Variants in RBM12B observed in about 807,000 individuals in gnomAD.
RBM12B encodes the protein RNA binding motif protein 12B.
RBM12B carries 10 observed loss-of-function variants against 34.3 expected under a neutral mutation model. The ratio of observed to expected loss-of-function variants is 0.29; its 90% confidence interval spans 0.18 to 0.49. The LOEUF is 0.49. Among genes scored for constraint, RBM12B ranks in the 20% least tolerant of loss-of-function variants. The pLI is 0.99. For synonymous variants in RBM12B, 477 were observed against 437.1 expected (o/e 1.09, Z -1.14); for missense variants, 1,139 against 1,262.7 (o/e 0.90, Z 1.48).
Position 93,733,827 on chromosome 8 carries a change from G to A in RBM12B, c.2584C>T (p.Pro862Ser). 2 of 1,614,116 alleles carry A rather than the reference G, an allele frequency of 1.2e-6. No homozygotes were observed. Among genetic ancestry groups the A allele is most frequent in the Non-Finnish European group, 1.7e-6 (2 of 1,180,032 alleles). ...TCACCAGGAGGTCTAAAATTGTCAG[G>A]AAGTCTAGGGTCCTCCTCCGGAGCT... is the stretch of plus-strand genomic sequence containing the variant. ...REAPEEDPRLPDNFRPPGEDF... is the reference protein window; with the variant it reads ...REAPEEDPRLSDNFRPPGEDF... Residue 862 changes from proline (P) to serine (S), a missense_variant, in exon 4 of 4, where the codon CCT (proline) becomes TCT (serine). Pro to Ser is a moderately conservative substitution (Grantham distance 74, BLOSUM62 -1). This residue lies in a region of RBM12B where 863 missense variants were observed against 869.5 expected (regional missense o/e 0.99). Transcript: ENST00000520560.
chr8:93,739,358 T>C (rs1206746601), intron 2 of RBM12B, among the ~76,000 whole-genome samples: 1 of 152,210 alleles, frequency 6.6e-6, no homozygotes, highest in Admixed American at 6.5e-5. Flanking sequence ...TTTAACCAAG[T>C]AGTTTCATGA....
chr8:93,733,302 TATTTC>T lies in RBM12B; in HGVS notation c.*98_*102del, dbSNP rs1462037637. 9 of 886,536 alleles carry T rather than the reference TATTTC, an allele frequency of 1.0e-5. No individual in the cohort carries two copies. Among genetic ancestry groups the T allele is most frequent in the Admixed American group, 3.5e-5 (1 of 28,890 alleles). 54.9% of individuals were successfully genotyped at this position (886,536 alleles called of 1,614,324 possible). A position where few individuals can be genotyped will look rare whatever the true frequency, so the allele number is the denominator to read the frequency against. ...TTCTATTCACAGGTCAAAAATAAAA[TATTTC>T]ATTAGATAATTTAAAAAAAAAACAC... On this transcript the variant is annotated 3_prime_UTR_variant, in exon 4 of 4. Coordinates refer to ENST00000520560, the MANE Select transcript of RBM12B (RefSeq NM_001377960.1).
chr8:93,740,712 G>T lies in RBM12B; in HGVS notation c.-145-16C>A. 1 of 358,724 alleles carries T rather than the reference G, an allele frequency of 2.8e-6. No individual in the cohort carries two copies. Among genetic ancestry groups the T allele is most frequent in the South Asian group, 2.1e-5 (1 of 47,078 alleles). 22.2% of individuals were successfully genotyped at this position (358,724 alleles called of 1,614,324 possible). A position where few individuals can be genotyped will look rare whatever the true frequency, so the allele number is the denominator to read the frequency against. ...CACATGGAAGCTGACGGGAAAGGAA[G>T]AGTCGGTGTTTTAGCAAGAAAAGAG... is the stretch of plus-strand genomic sequence containing the variant. On this transcript the variant is annotated splice_polypyrimidine_tract_variant and intron_variant, in intron 1 of 3. Coordinates refer to ENST00000520560, the MANE Select transcript of RBM12B (RefSeq NM_001377960.1).
At chr8:93,740,065 A>G in intron 2 of RBM12B, 1 of 331,052 alleles carries the variant, frequency 3.0e-6, no homozygotes, top group South Asian at 2.4e-5. Flanking sequence ...CGTAAAGCCC[A>G]AGGTCATGAT....
Position 93,734,665 on chromosome 8 carries a change from A to T in RBM12B, c.1746T>A (p.Pro582=). 4 of 1,612,506 alleles carry T rather than the reference A, an allele frequency of 2.5e-6. No homozygotes were observed. The highest frequency in any genetic ancestry group is 3.4e-6 in the Non-Finnish European group (4 of 1,179,414). ...FRHSPEDFRR[P]REEDFRRPSE... is the part of the protein sequence containing the mutation. ...AAGGCCGCCTGAAGTCTTCCTCCCT[A>T]GGTCGCCTGAAGTCCTCTGGGGAGT... The change falls in exon 4 of 4, where the codon CCT becomes CCA. Residue 582 remains proline, a synonymous_variant. Coordinates refer to ENST00000520560, the MANE Select transcript of RBM12B (RefSeq NM_001377960.1).
chr8:93,736,649 T>C (rs1018678139), intron 3 of RBM12B, among the ~76,000 whole-genome samples: 1 of 152,186 alleles, frequency 6.6e-6, no homozygotes, highest in East Asian at 1.9e-4. Context: ...ACCAACTACC[T>C]TGAAGAAACA....
At chr8:93,738,388 C>T (rs1299657352) in intron 2 of RBM12B, among the ~76,000 whole-genome samples, 2 of 152,172 alleles carry the variant, frequency 1.3e-5, no homozygotes, top group African/African-American at 4.8e-5. Flanking sequence ...AAGAAGTTTG[C>T]GTTTAATACT....
intron 2 of RBM12B, among the ~76,000 whole-genome samples, chr8:93,739,772 G>A (rs1812136008): frequency 6.6e-6 from 1 of 152,188 alleles, no homozygotes; most frequent in African/African-American, 2.4e-5. Flanking sequence ...AAAGAAGAGT[G>A]GGTCCCTAAA....
At position 93,732,407 on chromosome 8, in the gene RBM12B, G is replaced by A. The variant is rs887260703; in HGVS notation, c.*998C>T. 1 of 152,172 alleles carries A rather than the reference G, an allele frequency of 6.6e-6. No individual in the cohort carries two copies. Among genetic ancestry groups the A allele is most frequent in the Non-Finnish European group, 1.5e-5 (1 of 68,030 alleles). The allele number at this position is 152,172 out of a possible 1,614,324, so 9.4% of individuals were successfully genotyped here. On this transcript the variant is annotated 3_prime_UTR_variant, in exon 4 of 4. Transcript: ENST00000520560. ...CCACACAAGTCTTAACAGTTATAGA[G>A]TCTTTGCATGGACACAGTTTCGAAG...
At position 93,728,243 on chromosome 8, in the gene RBM12B, A is replaced by T. The variant is rs753920530; in HGVS notation, c.*5162T>A. On this transcript the variant is annotated 3_prime_UTR_variant, in exon 4 of 4. Transcript: ENST00000520560. ...GACTAAGAAAGGATCAACAAGCAGA[A>T]GATGATGAGGATGACGAGTTAGATG... The T allele has an allele frequency of 5.6e-5, 89 of 1,599,922 alleles. No homozygotes were observed. Among genetic ancestry groups the T allele is most frequent in the African/African-American group, 1.2e-4 (9 of 73,930 alleles).
rs1020829892 is a variant in RBM12B, at chr8:93,731,472, TATACTTTAAAGAATCATA to T, written c.*1915_*1932del. On this transcript the variant is annotated 3_prime_UTR_variant, in exon 4 of 4. Coordinates refer to ENST00000520560, the MANE Select transcript of RBM12B (RefSeq NM_001377960.1). ...ACATTATCCTAGCTACTTACAAGCT[TATACTTTAAAGAATCATA>T]CTGAGGTGCTTTTTCATATCAAATT... The T allele has an allele frequency of 6.6e-6, 1 of 152,232 alleles. No homozygotes were observed. The highest frequency in any genetic ancestry group is 1.5e-5 in the Non-Finnish European group (1 of 68,046). 9.4% of individuals were successfully genotyped at this position (152,232 alleles called of 1,614,324 possible). A position where few individuals can be genotyped will look rare whatever the true frequency, so the allele number is the denominator to read the frequency against.
Position 93,740,961 on chromosome 8 carries a change from C to CT in RBM12B, c.-227dup. 5.1e-6 allele frequency: 1 copy of CT among 194,764 alleles called. No homozygotes were observed. Among genetic ancestry groups the CT allele is most frequent in the Non-Finnish European group, 1.1e-5 (1 of 92,010 alleles). The allele number at this position is 194,764 out of a possible 1,614,324, so 12.1% of individuals were successfully genotyped here. ...GCAGCCTCCCCAAAACAGGTAGACC[C>CT]TCAGTGAGCCCAGAAGAAGATGGCG... On this transcript the variant is annotated 5_prime_UTR_variant, in exon 1 of 4. Transcript: ENST00000520560.
intron 2 of RBM12B, chr8:93,740,334 A>G (rs1473636133): frequency 6.6e-6 from 3 of 457,188 alleles, no homozygotes; most frequent in Non-Finnish European, 1.3e-5. Flanking sequence ...TTTGTCCACA[A>G]CTCCCAGGGG....
At position 93,735,264 on chromosome 8, in the gene RBM12B, G is replaced by C. The variant is rs994926635; in HGVS notation, c.1147C>G (p.Pro383Ala). ...GAGTATTTTTGTGAAACATGTCCGG[G>C]CCTATCTCTCTCTAGTGACCCTGAT... Reference protein sequence around the residue: ...KRSGSLERDRPGHVSQKYSQE... With the variant: ...KRSGSLERDRAGHVSQKYSQE... Residue 383 changes from proline to alanine, a missense_variant, in exon 4 of 4, where the codon CCC (proline) becomes GCC (alanine). Coordinates refer to ENST00000520560, the MANE Select transcript of RBM12B (RefSeq NM_001377960.1). The C allele has an allele frequency of 6.2e-7, 1 of 1,613,892 alleles. No individual in the cohort carries two copies. The highest frequency in any genetic ancestry group is 1.3e-5 in the African/African-American group (1 of 75,028).
Position 93,736,038 on chromosome 8 carries a change from A to G in RBM12B, c.373T>C (p.Ser125Pro), listed in dbSNP as rs750412900. Reference sequence around the variant, plus strand: ...TGAAACCCAGCATCTTGATTAATTGAAGAGCCATATCCAGAATTACTTGCT... The same window carrying G: ...TGAAACCCAGCATCTTGATTAATTGGAGAGCCATATCCAGAATTACTTGCT... Reference protein sequence around the residue: ...EEASNSGYGSSINQDAGFHTN... With the variant: ...EEASNSGYGSPINQDAGFHTN... The change falls in exon 4 of 4, where the codon TCA (serine) becomes CCA (proline). Residue 125 changes from serine to proline, a missense_variant. By Grantham distance (74) the Ser-to-Pro change is moderately conservative (BLOSUM62 -1). Around this residue, in one of 3 missense-constraint regions of RBM12B, gnomAD observed 216 missense variants for 292.2 expected, o/e 0.74. Transcript: ENST00000520560. 17 of 1,614,076 alleles carry G rather than the reference A, an allele frequency of 1.1e-5. No individual in the cohort carries two copies. The highest frequency in any genetic ancestry group is 1.4e-5 in the Non-Finnish European group (17 of 1,180,046).
In RBM12B at chr8:93,735,845, T is replaced by C. The variant is rs541542652; in HGVS notation, c.566A>G (p.His189Arg). 8 of 1,614,080 alleles carry C rather than the reference T, an allele frequency of 5.0e-6. No homozygotes were observed. The highest frequency in any genetic ancestry group is 1.6e-4 in the Middle Eastern group (1 of 6,062). Residue 189 changes from histidine (H) to arginine (R), a missense_variant, in exon 4 of 4, where the codon CAT (histidine) becomes CGT (arginine). His to Arg is a conservative substitution (Grantham distance 29). Coordinates refer to ENST00000520560, the MANE Select transcript of RBM12B (RefSeq NM_001377960.1). ...GGCATCACCATTATTTCGGCCATCA[T>C]GATGTTTTAAGAAAATTACTCCATC... ...CVDGVIFLKHHDGRNNGDAIV... is the reference protein window; with the variant it reads ...CVDGVIFLKHRDGRNNGDAIV...
At chr8:93,740,265 T>C (rs746348735) in intron 2 of RBM12B, 15 of 456,190 alleles carry the variant, frequency 3.3e-5, no homozygotes, top group Non-Finnish European at 6.6e-5. Flanking sequence ...GGCACAGGAT[T>C]TCTCCCAACA....
Position 93,734,020 on chromosome 8 carries a change from G to A in RBM12B, c.2391C>T (p.Arg797=). The A allele has an allele frequency of 1.2e-6, 2 of 1,607,010 alleles. No individual in the cohort carries two copies. Among genetic ancestry groups the A allele is most frequent in the Admixed American group, 3.5e-5 (2 of 57,438 alleles). The part of the protein sequence containing the change: ...FRRPPQEHFR[R]SREEDFRHPP... The stretch of plus-strand genomic sequence containing the variant: ...GGTGCCTGAAATCTTCCTCTCGGGA[G>A]CGCCTGAAATGCTCCTGAGGCGGCC... Residue 797 remains arginine, a synonymous_variant, in exon 4 of 4, where the codon CGC becomes CGT. Transcript: ENST00000520560.
intron 2 of RBM12B, among the ~76,000 whole-genome samples, chr8:93,738,104 G>A (rs904715468): frequency 1.3e-5 from 2 of 152,120 alleles, no homozygotes; most frequent in Non-Finnish European, 2.9e-5. Context: ...ATTTCATGAA[G>A]CCAGTATAAT....
Sources: gnomAD v4.1 joint callset for allele counts (sites outside exome capture counted in the v4.1 genomes callset) on GRCh38, gnomAD v4.1.1 for gene constraint, gnomAD v4.1.1 regional missense constraint, MANE v1.5 for transcripts, NCBI Gene and HGNC (gene_info 2026-07-23, HGNC 2026-07-21) for gene names.